LPO: variants seen among roughly 807,000 people sequenced by gnomAD.
The protein encoded by LPO is salivary peroxidase.
A neutral mutation model predicts 68.4 loss-of-function variants in LPO; 70 were observed. The ratio of observed to expected loss-of-function variants is 1.02; its 90% CI spans 0.84 to 1.25. LPO has a LOEUF of 1.25. LPO is among the 50% of genes most tolerant of loss of function. The probability of loss-of-function intolerance (pLI) is 0.00; values close to 1 mark genes in which losing one functional copy is unlikely to be tolerated. For synonymous variants in LPO, 360 were observed against 357.6 expected (o/e 1.01, Z -0.08); for missense variants, 873 against 908.4 (o/e 0.96, Z 0.50).
In LPO at chr17:58,249,161, G is replaced by A; in HGVS notation, c.427G>A (p.Gly143Arg). ...DPCSPYRTIT[G>R]DCNNRRKPAL... ...GTGCAGCCCTTACCGCACCATTACGGGAGACTGCAATAACAGGTGGCGGGG... is the reference window on the plus strand; with the variant it reads ...GTGCAGCCCTTACCGCACCATTACGAGAGACTGCAATAACAGGTGGCGGGG... Residue 143 changes from glycine (G) to arginine (R), a missense_variant, in exon 5 of 13, where the codon GGA (glycine) becomes AGA (arginine). Transcript: ENST00000262290. The A allele has an allele frequency of 6.2e-7, 1 of 1,614,118 alleles. No individual in the cohort carries two copies. The highest frequency in any genetic ancestry group is 8.5e-7 in the Non-Finnish European group (1 of 1,179,958).
intron 6 of LPO, among the ~76,000 whole-genome samples, chr17:58,249,934 T>C (rs1052275227): frequency 6.6e-6 from 1 of 152,176 alleles, no homozygotes; most frequent in Non-Finnish European, 1.5e-5. Context: ...CCCGGGCAGA[T>C]GGCCTCCCTG....
chr17:58,266,255 C>T lies in LPO; in HGVS notation c.1622C>T (p.Pro541Leu). The T allele has an allele frequency of 6.2e-7, 1 of 1,614,158 alleles. No homozygotes were observed. Among genetic ancestry groups the T allele is most frequent in the Non-Finnish European group, 8.5e-7 (1 of 1,180,036 alleles). The change falls in exon 11 of 13, where the codon CCA becomes CTA. Residue 541 changes from proline (P) to leucine (L), a missense_variant. Coordinates refer to ENST00000262290, the MANE Select transcript of LPO (RefSeq NM_006151.3). ...GAGCTGCGCAACAAGCTTTTCCAGC[C>T]AACTCACAGGATCCATGGCTTTGAC... Reference protein sequence around the residue: ...TGELRNKLFQPTHRIHGFDLA... With the variant: ...TGELRNKLFQLTHRIHGFDLA...
In LPO at chr17:58,267,500, T is replaced by C. The variant is rs1567824675; in HGVS notation, c.1845T>C (p.Ala615=). The C allele has an allele frequency of 6.2e-7, 1 of 1,614,222 alleles. No individual in the cohort carries two copies. Among genetic ancestry groups the C allele is most frequent in the Non-Finnish European group, 8.5e-7 (1 of 1,180,036 alleles). ...DNIDIWIGAI[A]EPLVERGRVG... is the part of the protein sequence containing the mutation. ...TCGACATCTGGATAGGGGCCATTGC[T>C]GAGCCGCTGGTGGAAAGGGGTCGGG... Residue 615 remains alanine (A), a synonymous_variant, in exon 12 of 13, where the codon GCT becomes GCC. Coordinates refer to ENST00000262290, the MANE Select transcript of LPO (RefSeq NM_006151.3).
In LPO at chr17:58,244,090, G is replaced by GACAC. The variant is rs67390833; in HGVS notation, c.164+48_164+51dup. ...CTGGACTCCCGAACCAGGTACGTGA[G>GACAC]ACACACACACACACACACACACACA... On this transcript the variant is annotated intron_variant, in intron 3 of 12. Transcript: ENST00000262290. 0.04 allele frequency: 42,190 copies of GACAC among 1,054,488 alleles called. 400 individuals are homozygous for GACAC. The highest frequency in any genetic ancestry group is 0.076 in the East Asian group (3,044 of 40,142). 65.3% of individuals were successfully genotyped at this position (1,054,488 alleles called of 1,614,324 possible).
intron 9 of LPO, among the ~76,000 whole-genome samples, chr17:58,257,485 A>G (rs577253970): frequency 6.6e-6 from 1 of 152,206 alleles, no homozygotes; most frequent in African/African-American, 2.4e-5. Flanking sequence ...ATTCTTTTTT[A>G]TGGCTGAATA....
At position 58,266,259 on chromosome 17, in the gene LPO, T is replaced by A. The variant is rs1397219769; in HGVS notation, c.1626T>A (p.Thr542=). 1 of 1,614,144 alleles carries A rather than the reference T, an allele frequency of 6.2e-7. No individual in the cohort carries two copies. Among genetic ancestry groups the A allele is most frequent in the East Asian group, 2.2e-5 (1 of 44,872 alleles). ...TGCGCAACAAGCTTTTCCAGCCAAC[T>A]CACAGGATCCATGGCTTTGACCTGG... ...GELRNKLFQP[T]HRIHGFDLAA... is the part of the protein sequence containing the mutation. The change falls in exon 11 of 13, where the codon ACT becomes ACA. Residue 542 remains threonine, a synonymous_variant. Transcript: ENST00000262290.
chr17:58,250,424 G>C lies in LPO; in HGVS notation c.583G>C (p.Val195Leu). ...CTCTCTCCATCTGTAGGCCCGGGAG[G>C]TATCTAACAAGATTGTTGGCTATCT... Reference protein sequence around the residue: ...NGFPLPLAREVSNKIVGYLNE... With the variant: ...NGFPLPLARELSNKIVGYLNE... Residue 195 changes from valine (V) to leucine (L), a missense_variant, in exon 7 of 13, where the codon GTA (valine) becomes CTA (leucine). Val to Leu is a conservative substitution (Grantham distance 32, BLOSUM62 1). Transcript: ENST00000262290. 6.2e-7 allele frequency: 1 copy of C among 1,614,106 alleles called. No individual in the cohort carries two copies. The highest frequency in any genetic ancestry group is 2.2e-5 in the East Asian group (1 of 44,880).
intron 8 of LPO, among the ~76,000 whole-genome samples, chr17:58,254,190 T>C (rs372649811): frequency 1.3e-5 from 2 of 152,006 alleles, no homozygotes; most frequent in South Asian, 4.1e-4. Context: ...GATAGATAGA[T>C]AGACTCTCCT....
rs1969920889 is a variant in LPO at position 58,249,676 on chromosome 17, A to G, written c.554A>G (p.Asn185Ser). 6.3e-7 allele frequency: 1 copy of G among 1,577,254 alleles called. No homozygotes were observed. The highest frequency in any genetic ancestry group is 1.4e-5 in the African/African-American group (1 of 74,048). Residue 185 changes from asparagine to serine, a missense_variant, in exon 6 of 13, where the codon AAC becomes AGC. Transcript: ENST00000262290. The stretch of plus-strand genomic sequence containing the variant: ...GGCTGGACGCCGGGGAAGACGCGCA[A>G]CGGCTTCCCTCTCCCGCTGGTGAGG... ...PFGWTPGKTRNGFPLPLAREV... is the reference protein window; with the variant it reads ...PFGWTPGKTRSGFPLPLAREV...
intron 10 of LPO, 136 bp downstream of exon 10, chr17:58,265,110 G>A (rs556063674): frequency 1.2e-5 from 14 of 1,144,146 alleles, no homozygotes; most frequent in Admixed American, 2.6e-5. Context: ...CTGAGCCTCA[G>A]TTTCCTCATT....
chr17:58,244,127 ACAC>A (rs764276550), intron 3 of LPO, 46 bp downstream of exon 3: 2 of 1,284,076 alleles, frequency 1.6e-6, no homozygotes, highest in Non-Finnish European at 2.2e-6. Flanking sequence ...ACACACACAC[ACAC>A]ACTTCCCTTC....
chr17:58,268,169 C>A lies in LPO; in HGVS notation c.*175C>A, dbSNP rs1970311605. ...GCCCCAGGGTGGCTGCCTCGGCCCT[C>A]CCAGCTCTTACACTCAGCTCCAGTG... On this transcript the variant is annotated 3_prime_UTR_variant, in exon 13 of 13. Transcript: ENST00000262290. 5 of 627,458 alleles carry A rather than the reference C, an allele frequency of 8.0e-6. No homozygotes were observed. Among genetic ancestry groups the A allele is most frequent in the Middle Eastern group, 4.4e-4 (1 of 2,298 alleles). 38.9% of individuals were successfully genotyped at this position (627,458 alleles called of 1,614,324 possible).
Position 58,267,656 on chromosome 17 carries a change from G to A in LPO, c.1931+70G>A, listed in dbSNP as rs8178411. ...CAAGAGGGGTGTCCCAAGGTCCTGC[G>A]TGAGCGCTGACTCCGGATCTCAGTG... is the stretch of plus-strand genomic sequence containing the variant. On this transcript the variant is annotated intron_variant, in intron 12 of 12. Transcript: ENST00000262290. 4.6e-3 allele frequency: 6,845 copies of A among 1,485,814 alleles called. 262 individuals are homozygous for A. The African/African-American group carries it at 0.083, about 18-fold the overall frequency. The allele number at this position is 1,485,814 out of a possible 1,614,324, so 92.0% of individuals were successfully genotyped here.
chr17:58,245,409 G>C (rs1460971945), intron 3 of LPO, among the ~76,000 whole-genome samples: 2 of 152,150 alleles, frequency 1.3e-5, no homozygotes, highest in African/African-American at 4.8e-5. Flanking sequence ...GTTTCAGAGA[G>C]AGATTCTGCT....
At position 58,258,788 on chromosome 17, in the gene LPO, C is replaced by T. The variant is rs967332501; in HGVS notation, c.1266+3817C>T. 2.6e-5 allele frequency among the ~76,000 whole-genome samples: 4 copies of T among 152,180 alleles called. 1 individual carries two copies. In the South Asian group the frequency reaches 8.3e-4, roughly 31 times the overall value. On this transcript the variant is annotated intron_variant, in intron 9 of 12. Coordinates refer to ENST00000262290, the MANE Select transcript of LPO (RefSeq NM_006151.3). Reference sequence around the variant, plus strand: ...CTTTCTGATAGGTGTGTAGTAATAGCTCATTGTTTTAATTTGCATTTCTCT... The same window carrying T: ...CTTTCTGATAGGTGTGTAGTAATAGTTCATTGTTTTAATTTGCATTTCTCT...
Position 58,264,965 on chromosome 17 carries a change from G to T in LPO, c.1510G>T (p.Val504Phe), listed in dbSNP as rs769306705. Residue 504 changes from valine (V) to phenylalanine (F), a missense_variant, in exon 10 of 13, where the codon GTC (valine) becomes TTC (phenylalanine). Transcript: ENST00000262290. ...HTLFFNTWRMVKDGGIDPLVR... is the reference protein window; with the variant it reads ...HTLFFNTWRMFKDGGIDPLVR... Reference sequence around the variant, plus strand: ...CCTCTTCTTCAACACTTGGAGGATGGTCAAAGATGGTATGCCCTTTCAGGG... The same window carrying T: ...CCTCTTCTTCAACACTTGGAGGATGTTCAAAGATGGTATGCCCTTTCAGGG... 1 of 1,614,120 alleles carries T rather than the reference G, an allele frequency of 6.2e-7. No homozygotes were observed. Among genetic ancestry groups the T allele is most frequent in the Non-Finnish European group, 8.5e-7 (1 of 1,179,990 alleles).
Position 58,243,027 on chromosome 17 carries a change from G to T in LPO, c.48G>T (p.Leu16Phe). ...HLPALLASLILLQAAASTTRA... is the reference protein window; with the variant it reads ...HLPALLASLIFLQAAASTTRA... ...CAGCCCTCCTGGCTTCCCTCATCTT[G>T]CTTCAGGCTGCAGCATCTACCACAA... The change falls in exon 2 of 13, where the codon TTG becomes TTT. Residue 16 changes from leucine to phenylalanine, a missense_variant. Coordinates refer to ENST00000262290, the MANE Select transcript of LPO (RefSeq NM_006151.3). 1 of 1,613,986 alleles carries T rather than the reference G, an allele frequency of 6.2e-7. No individual in the cohort carries two copies. Among genetic ancestry groups the T allele is most frequent in the South Asian group, 1.1e-5 (1 of 91,072 alleles).
chr17:58,253,741 G>A (rs11868650), intron 8 of LPO, among the ~76,000 whole-genome samples: 1 of 152,150 alleles, frequency 6.6e-6, no homozygotes, highest in South Asian at 2.1e-4. Flanking sequence ...ATATCCCACA[G>A]CAATCCAGAC....
At chr17:58,248,391 C>T (rs1439412002) in intron 4 of LPO, among the ~76,000 whole-genome samples, 4 of 152,184 alleles carry the variant, frequency 2.6e-5, no homozygotes, top group Non-Finnish European at 5.9e-5. Flanking sequence ...ATCCTGCCAC[C>T]TTTCAGAGAT....
Sources: allele counts gnomAD v4.1 joint callset (sites outside exome capture counted in the v4.1 genomes callset), GRCh38; gene constraint gnomAD v4.1.1; transcripts MANE v1.5; gene names NCBI Gene and HGNC (gene_info 2026-07-23, HGNC 2026-07-21).